The following KCNJ15 variants were observed in gnomAD, a reference collection of about 807,000 sequenced individuals.
KCNJ15 encodes the protein ATP-sensitive inward rectifier potassium channel 15.
A neutral mutation model predicts 23.0 loss-of-function variants in KCNJ15; 14 were observed. That is an observed-to-expected ratio of 0.61 (90% CI 0.40 to 0.95). KCNJ15 has a LOEUF of 0.95. Ranked by LOEUF, KCNJ15 falls within the 40% of genes least tolerant of loss-of-function variation. The pLI is 0.00. For synonymous variants in KCNJ15, 185 were observed against 183.2 expected (o/e 1.01, Z -0.08); for missense variants, 388 against 461.8 (o/e 0.84, Z 1.46).
intron 2 of KCNJ15, among the ~76,000 whole-genome samples, chr21:38,297,809 G>C (rs1197209089): frequency 2.0e-5 from 3 of 152,142 alleles, no homozygotes; most frequent in Non-Finnish European, 4.4e-5. Context: ...ACTTTCTAAA[G>C]AAAAGTCAAT....
upstream of KCNJ15, among the ~76,000 whole-genome samples, chr21:38,254,147 T>C (rs1388438564): frequency 6.6e-6 from 1 of 152,228 alleles, no homozygotes; most frequent in African/African-American, 2.4e-5. Context: ...CCTTAGTTAG[T>C]TTCAGAAATT....
chr21:38,287,118 A>G (rs1015489223), intron 1 of KCNJ15, among the ~76,000 whole-genome samples: 2 of 152,198 alleles, frequency 1.3e-5, no homozygotes, highest in African/African-American at 4.8e-5. Context: ...TATTCTGAGA[A>G]GGCAGGCATG....
rs1983700169 is a variant in KCNJ15, at chr21:38,284,669, T to A, written c.-116-12257T>A. Among the ~76,000 whole-genome samples the A allele has an allele frequency of 2.6e-5, 4 of 152,178 alleles. No homozygotes were observed. In the South Asian group the frequency reaches 8.3e-4, roughly 31 times the overall value. On this transcript the variant is annotated intron_variant, in intron 1 of 2. Coordinates refer to ENST00000398938, the MANE Select transcript of KCNJ15 (RefSeq NM_170736.3). Reference sequence around the variant, plus strand: ...GAATAAAACCCCAAGATACTCCTTGTGCTCCAAGGATGGGGGTGACGGTCC... The same window carrying A: ...GAATAAAACCCCAAGATACTCCTTGAGCTCCAAGGATGGGGGTGACGGTCC...
At chr21:38,231,879 G>T (rs1194234295) in intron 1 of KCNJ15, among the ~76,000 whole-genome samples, 1 of 151,674 alleles carries the variant, frequency 6.6e-6, no homozygotes, top group Non-Finnish European at 1.5e-5. Context: ...CTTGTATTTT[G>T]TTGAGAACTT....
At chr21:38,291,626 A>G (rs1411824631) in intron 1 of KCNJ15, 1 of 152,232 alleles carries the variant, frequency 6.6e-6, no homozygotes, top group Admixed American at 6.5e-5. Flanking sequence ...AGTGGTGAAG[A>G]GTATAAATCG....
intron 1 of KCNJ15, among the ~76,000 whole-genome samples, chr21:38,279,965 G>T (rs1338532355): frequency 2.0e-5 from 3 of 152,148 alleles, no homozygotes; most frequent in African/African-American, 7.2e-5. Flanking sequence ...CAGGGCTGAA[G>T]ATAGATCCAA....
At chr21:38,248,500 G>T (rs1458316338) in intron 1 of KCNJ15, among the ~76,000 whole-genome samples, 1 of 152,178 alleles carries the variant, frequency 6.6e-6, no homozygotes, top group African/African-American at 2.4e-5. Flanking sequence ...AAAAGAACTA[G>T]AATAAGACTC....
chr21:38,236,668 C>T (rs769098366), intron 1 of KCNJ15, among the ~76,000 whole-genome samples: 2 of 152,178 alleles, frequency 1.3e-5, no homozygotes, highest in Non-Finnish European at 2.9e-5. Context: ...ATTTATGCAG[C>T]CTTGTTTCCC....
At chr21:38,280,059 C>T (rs1983154657) in intron 1 of KCNJ15, among the ~76,000 whole-genome samples, 1 of 152,142 alleles carries the variant, frequency 6.6e-6, no homozygotes, top group Non-Finnish European at 1.5e-5. Context: ...CTTCATCCTG[C>T]CTCATTGGCT....
At chr21:38,277,460 C>T (rs911526020) in intron 1 of KCNJ15, among the ~76,000 whole-genome samples, 3 of 152,188 alleles carry the variant, frequency 2.0e-5, no homozygotes, top group Non-Finnish European at 4.4e-5. Context: ...TAATTACTCT[C>T]CTCCAGTAGA....
rs1985966056 is a variant in KCNJ15 at position 38,304,268 on chromosome 21, A to G, written c.*3879A>G. On this transcript the variant is annotated 3_prime_UTR_variant, in exon 3 of 3. Coordinates refer to ENST00000398938, the MANE Select transcript of KCNJ15 (RefSeq NM_170736.3). Reference sequence around the variant, plus strand: ...CTCCCCCCTCCCCCCACCCCACAACAGTCCCCGGTGTGTGATGTTCCCCTT... The same window carrying G: ...CTCCCCCCTCCCCCCACCCCACAACGGTCCCCGGTGTGTGATGTTCCCCTT... The G allele has an allele frequency of 3.9e-5, 4 of 102,454 alleles. No homozygotes were observed. The highest frequency in any genetic ancestry group is 7.5e-4 in the South Asian group (2 of 2,670). 6.3% of individuals were successfully genotyped at this position (102,454 alleles called of 1,614,324 possible).
chr21:38,240,951 T>C (rs1051442743), intron 1 of KCNJ15, among the ~76,000 whole-genome samples: 2 of 152,204 alleles, frequency 1.3e-5, no homozygotes, highest in Admixed American at 1.3e-4. Context: ...GATACATGTG[T>C]ATTAATATTG....
upstream of KCNJ15, among the ~76,000 whole-genome samples, chr21:38,255,663 G>A (rs534426958): frequency 9.3e-4 from 142 of 152,284 alleles, no homozygotes; most frequent in Middle Eastern, 3.4e-3. Context: ...AGTCAGCAGG[G>A]AGAGGGGGGA....
At chr21:38,239,894 A>G (rs913994187) in intron 1 of KCNJ15, among the ~76,000 whole-genome samples, 2 of 152,254 alleles carry the variant, frequency 1.3e-5, no homozygotes, top group Admixed American at 1.3e-4. Flanking sequence ...TGTTTGGCTC[A>G]AGTTTCCTGA....
At chr21:38,290,113 C>G (rs1025982443) in intron 1 of KCNJ15, among the ~76,000 whole-genome samples, 1 of 152,174 alleles carries the variant, frequency 6.6e-6, no homozygotes, top group African/African-American at 2.4e-5. Flanking sequence ...AATAAAGGGC[C>G]TGAAATTAAA....
chr21:38,256,435 G>T (rs1980255683), upstream of KCNJ15, among the ~76,000 whole-genome samples: 2 of 148,698 alleles, frequency 1.3e-5, no homozygotes, highest in African/African-American at 5.0e-5. Flanking sequence ...TAAAGGGGTT[G>T]AGCTAAAAAC....
At chr21:38,284,374 C>T (rs901499607) in intron 1 of KCNJ15, among the ~76,000 whole-genome samples, 1 of 152,124 alleles carries the variant, frequency 6.6e-6, no homozygotes, top group Non-Finnish European at 1.5e-5. Flanking sequence ...ATCGGTGAGA[C>T]CTCCTCTTCT....
intron 1 of KCNJ15, among the ~76,000 whole-genome samples, chr21:38,260,036 T>C (rs1215963898): frequency 6.6e-6 from 1 of 152,234 alleles, no homozygotes; most frequent in Non-Finnish European, 1.5e-5. Context: ...TTATAATTTA[T>C]AAATAAAGGT....
intron 1 of KCNJ15, among the ~76,000 whole-genome samples, chr21:38,277,671 GTTC>G (rs949958765): frequency 8.5e-5 from 13 of 152,276 alleles, no homozygotes; most frequent in African/African-American, 2.4e-4. Context: ...ATAAAAGGAA[GTTC>G]TTCTTAACTC....
Sources: allele counts gnomAD v4.1 joint callset (sites outside exome capture counted in the v4.1 genomes callset), GRCh38; gene constraint gnomAD v4.1.1; transcripts MANE v1.5; gene names NCBI Gene and HGNC (gene_info 2026-07-23, HGNC 2026-07-21).